The following KCNMA1 variants were observed in gnomAD, a reference collection of about 807,000 sequenced individuals.
KCNMA1 encodes the protein potassium calcium-activated channel subfamily M alpha 1, also known as Calcium-activated potassium channel subunit alpha-1.
A neutral mutation model predicts 140.0 loss-of-function variants in KCNMA1; 29 were observed. The ratio of observed to expected loss-of-function variants is 0.21; its 90% confidence interval spans 0.15 to 0.28. The LOEUF (loss-of-function observed/expected upper bound fraction) is 0.28. Among genes scored for constraint, KCNMA1 ranks in the 10% least tolerant of loss-of-function variants. The pLI is 1.00. For synonymous variants in KCNMA1, 612 were observed against 611.9 expected, an observed-to-expected ratio of 1.00 and a Z score of 0.00; for missense variants, 880 against 1,602.2, an observed-to-expected ratio of 0.55 and a Z score of 7.70.
chr10:77,058,473 C>T (rs565645816), intron 14 of KCNMA1, among the ~76,000 whole-genome samples: 1 of 152,040 alleles, frequency 6.6e-6, no homozygotes, highest in East Asian at 1.9e-4. Context: ...TTTTTAAGCT[C>T]ACCTGGAACA....
At chr10:77,563,543 A>G (rs2067104940) in intron 1 of KCNMA1, among the ~76,000 whole-genome samples, 1 of 151,432 alleles carries the variant, frequency 6.6e-6, no homozygotes, top group Non-Finnish European at 1.5e-5. Context: ...CGTCCCTCCC[A>G]GCCCTAGCCC....
At chr10:77,592,674 T>C (rs974192327) in intron 1 of KCNMA1, among the ~76,000 whole-genome samples, 4 of 152,208 alleles carry the variant, frequency 2.6e-5, no homozygotes, top group African/African-American at 9.6e-5. Context: ...GGCCAACCAG[T>C]GGCACTGTGA....
At chr10:77,636,964 T>C in intron 1 of KCNMA1, 2 of 1,410,998 alleles carry the variant, frequency 1.4e-6, no homozygotes, top group Non-Finnish European at 1.8e-6. Flanking sequence ...CACCCGAGCC[T>C]GTGAGTCCCC....
At chr10:77,299,197 C>T (rs912798317) in intron 2 of KCNMA1, among the ~76,000 whole-genome samples, 7 of 152,114 alleles carry the variant, frequency 4.6e-5, no homozygotes, top group African/African-American at 1.4e-4. Context: ...CCTGCAACGC[C>T]CTCCCTGACT....
chr10:77,248,861 T>C (rs2059143181), intron 3 of KCNMA1, among the ~76,000 whole-genome samples: 1 of 152,212 alleles, frequency 6.6e-6, no homozygotes, highest in South Asian at 2.1e-4. Flanking sequence ...CTGAGCTTGC[T>C]TGCCGTCTTT....
intron 1 of KCNMA1, chr10:77,636,226 T>C (rs868762220): frequency 7.0e-7 from 1 of 1,431,102 alleles, no homozygotes; most frequent in Non-Finnish European, 9.1e-7. Flanking sequence ...TTTTTTATTC[T>C]GCAGTTTTCT....
At chr10:77,321,794 T>C (rs2082403828) in intron 2 of KCNMA1, among the ~76,000 whole-genome samples, 1 of 152,146 alleles carries the variant, frequency 6.6e-6, no homozygotes, top group Non-Finnish European at 1.5e-5. Flanking sequence ...CTTCAGTAAA[T>C]CATTACTGCA....
intron 26 of KCNMA1, chr10:76,889,899 T>C: frequency 5.1e-6 from 2 of 389,256 alleles, no homozygotes; most frequent in Non-Finnish European, 9.8e-6. Context: ...CTCAGATGTA[T>C]GCTCAGCTGA....
At chr10:77,579,796 G>A (rs956761489) in intron 1 of KCNMA1, among the ~76,000 whole-genome samples, 3 of 152,142 alleles carry the variant, frequency 2.0e-5, no homozygotes, top group African/African-American at 7.2e-5. Context: ...GAAGACAGAA[G>A]GGATCCCAGC....
chr10:76,879,616 T>C (rs761157722), intron 29 of KCNMA1, among the ~76,000 whole-genome samples: 22 of 152,192 alleles, frequency 1.4e-4, no homozygotes, highest in Non-Finnish European at 3.2e-4. Flanking sequence ...ATAGATCTTT[T>C]AAAGTCATCA....
intron 5 of KCNMA1, among the ~76,000 whole-genome samples, chr10:77,174,429 G>A (rs753754486): frequency 6.6e-5 from 10 of 152,210 alleles, no homozygotes; most frequent in Non-Finnish European, 1.3e-4. Flanking sequence ...TCATTCTAGA[G>A]CAGCGTGGTC....
At chr10:77,150,205 C>A (rs2098393204) in intron 5 of KCNMA1, 1 of 152,172 alleles carries the variant, frequency 6.6e-6, no homozygotes, top group Non-Finnish European at 1.5e-5. Flanking sequence ...TCACCCACTG[C>A]CTGAGGTGTA....
chr10:77,498,434 A>T (rs535544322), intron 1 of KCNMA1: 2 of 152,406 alleles, frequency 1.3e-5, no homozygotes, highest in African/African-American at 4.8e-5. Context: ...AAGTCCAAGC[A>T]CAGTTTGTAC....
rs1014861699 is a variant in KCNMA1, at chr10:77,362,175, T to A, written c.540+41687A>T. ...GGGCAGGCTGGCAAGGCAGCCACACTGCCCCTGCATCACAGAGGAGAGGAG... is the reference window on the plus strand; with the variant it reads ...GGGCAGGCTGGCAAGGCAGCCACACAGCCCCTGCATCACAGAGGAGAGGAG... On this transcript the variant is annotated intron_variant, in intron 2 of 27. Transcript: ENST00000286628. Among the ~76,000 whole-genome samples, 11 of 152,054 alleles carry A rather than the reference T, an allele frequency of 7.2e-5. No homozygotes were observed. In the South Asian group the frequency reaches 1.9e-3, roughly 26 times the overall value.
intron 5 of KCNMA1, among the ~76,000 whole-genome samples, chr10:77,146,978 G>T (rs542444306): frequency 6.6e-6 from 1 of 152,282 alleles, no homozygotes; most frequent in South Asian, 2.1e-4. Context: ...TGACCATGGG[G>T]AAGGGGGACT....
At position 77,176,736 on chromosome 10, in the gene KCNMA1, AATAATGGGAAT is replaced by A. The variant is rs1360210658; in HGVS notation, c.808+6674_808+6684del. On this transcript the variant is annotated intron_variant, in intron 5 of 27. Coordinates refer to ENST00000286628, the MANE Select transcript of KCNMA1 (RefSeq NM_001161352.2). The stretch of plus-strand genomic sequence containing the variant: ...GAGCCTCAGATTCCTCTTTGGAAAT[AATAATGGGAAT>A]AATAATATGCCCCTTTTGGTAGGCA... Among the ~76,000 whole-genome samples the A allele has an allele frequency of 5.9e-5, 9 of 152,162 alleles. No homozygotes were observed. The South Asian group carries it at 1.0e-3, about 18-fold the overall frequency.
chr10:77,511,065 G>A (rs2048207523), intron 1 of KCNMA1, among the ~76,000 whole-genome samples: 2 of 152,212 alleles, frequency 1.3e-5, no homozygotes, highest in Non-Finnish European at 2.9e-5. Context: ...ACACCTGTGA[G>A]TATGTTGGGG....
chr10:77,334,447 A>C (rs747334534), intron 2 of KCNMA1, among the ~76,000 whole-genome samples: 1 of 152,218 alleles, frequency 6.6e-6, no homozygotes, highest in Non-Finnish European at 1.5e-5. Flanking sequence ...TTTTCTTACA[A>C]AAATCTTTGT....
At chr10:77,170,256 G>A (rs1237303494) in intron 5 of KCNMA1, among the ~76,000 whole-genome samples, 1 of 152,204 alleles carries the variant, frequency 6.6e-6, no homozygotes, top group African/African-American at 2.4e-5. Context: ...CCTATCATCT[G>A]TTCTTACTCT....
Sources: gnomAD v4.1 joint callset for allele counts (sites outside exome capture counted in the v4.1 genomes callset) on GRCh38, gnomAD v4.1.1 for gene constraint, MANE v1.5 for transcripts, NCBI Gene and HGNC (gene_info 2026-07-23, HGNC 2026-07-21) for gene names.